MMRN1: variants seen among roughly 807,000 people sequenced by gnomAD.
MMRN1 encodes the protein multimerin-1.
In MMRN1, 94 loss-of-function variants were observed where a neutral mutation model predicts 100.7. The ratio of observed to expected loss-of-function variants is 0.93; its 90% confidence interval spans 0.79 to 1.11. The LOEUF is 1.11. Ranked by LOEUF, MMRN1 falls within the 50% of genes least tolerant of loss-of-function variation. The pLI is 0.00. For synonymous variants in MMRN1, 575 were observed against 505.0 expected, an observed-to-expected ratio of 1.14 and a Z score of -1.86; for missense variants, 1,606 against 1,439.1, an observed-to-expected ratio of 1.12 and a Z score of -1.88.
At chr4:89,925,005 G>A (rs1452023605) in intron 4 of MMRN1, among the ~76,000 whole-genome samples, 1 of 151,686 alleles carries the variant, frequency 6.6e-6, no homozygotes, top group South Asian at 2.1e-4. Context: ...TTATCCTTTC[G>A]GTTACAAACA....
At position 89,947,211 on chromosome 4, in the gene MMRN1, G is replaced by A. The variant is rs796482507; in HGVS notation, c.3119-4394G>A. 5.3e-5 allele frequency among the ~76,000 whole-genome samples: 8 copies of A among 152,162 alleles called. No homozygotes were observed. The South Asian group carries it at 6.2e-4, about 12-fold the overall frequency. ...GCAGGAGAATAGCTTAAGTCCAGGA[G>A]GCAGAGGTTGCAGTGAGCCAAGATC... On this transcript the variant is annotated intron_variant, in intron 6 of 7. Transcript: ENST00000264790.
At position 89,935,341 on chromosome 4, in the gene MMRN1, A is replaced by G; in HGVS notation, c.1661A>G (p.Lys554Arg). The change falls in exon 6 of 8, where the codon AAG becomes AGG. Residue 554 changes from lysine to arginine, a missense_variant. Lys to Arg is a conservative substitution (Grantham distance 26). Coordinates refer to ENST00000264790, the MANE Select transcript of MMRN1 (RefSeq NM_007351.3). ...EYMSTLHENIKKQSLMMLQMF... is the reference protein window; with the variant it reads ...EYMSTLHENIRKQSLMMLQMF... ...ATGTCTACTTTACATGAAAATATAA[A>G]GAAGCAGAGTTTGATGATGCTGCAA... 3 of 1,613,386 alleles carry G rather than the reference A, an allele frequency of 1.9e-6. No individual in the cohort carries two copies. Among genetic ancestry groups the G allele is most frequent in the Non-Finnish European group, 2.5e-6 (3 of 1,179,748 alleles).
In MMRN1 at chr4:89,951,716, C is replaced by G; in HGVS notation, c.3230C>G (p.Thr1077Ser). Residue 1077 changes from threonine (T) to serine (S), a missense_variant, in exon 7 of 8, where the codon ACT becomes AGT. Coordinates refer to ENST00000264790, the MANE Select transcript of MMRN1 (RefSeq NM_007351.3). ...CATCCTTTTACTGGTGACAACTGCA[C>G]TATCAAGCTTGTGGAAGAAAATGCT... The part of the protein sequence containing the change: ...CRHPFTGDNC[T>S]IKLVEENALA... The G allele has an allele frequency of 6.2e-7, 1 of 1,612,294 alleles. No individual in the cohort carries two copies. Among genetic ancestry groups the G allele is most frequent in the Non-Finnish European group, 8.5e-7 (1 of 1,179,314 alleles).
intron 6 of MMRN1, among the ~76,000 whole-genome samples, chr4:89,939,565 G>C (rs1722758365): frequency 6.6e-6 from 1 of 152,066 alleles, no homozygotes; most frequent in African/African-American, 2.4e-5. Flanking sequence ...TGAGTAAACT[G>C]ACCCTCGGAG....
At chr4:89,902,916 A>G (rs1482074435) in intron 1 of MMRN1, among the ~76,000 whole-genome samples, 1 of 152,016 alleles carries the variant, frequency 6.6e-6, no homozygotes, top group East Asian at 1.9e-4. Flanking sequence ...TTGTAAAAGG[A>G]TTAAGCATAG....
rs775826580 is a variant in MMRN1 at position 89,934,938 on chromosome 4, C to G, written c.1258C>G (p.Leu420Val). 5 of 1,613,654 alleles carry G rather than the reference C, an allele frequency of 3.1e-6. No homozygotes were observed. In the Middle Eastern group the frequency reaches 6.6e-4, roughly 213 times the overall value. ...FKTVSSLSED[L>V]ESTRQIIQKV... ...GACTGTATCAAGTCTATCAGAGGAC[C>G]TCGAAAGCACCAGGCAAATAATTCA... is the stretch of plus-strand genomic sequence containing the variant. Residue 420 changes from leucine to valine, a missense_variant, in exon 6 of 8, where the codon CTC becomes GTC. Coordinates refer to ENST00000264790, the MANE Select transcript of MMRN1 (RefSeq NM_007351.3).
rs534258915 is a variant in MMRN1 at position 89,938,902 on chromosome 4, C to A, written c.3118+2104C>A. On this transcript the variant is annotated intron_variant, in intron 6 of 7. Coordinates refer to ENST00000264790, the MANE Select transcript of MMRN1 (RefSeq NM_007351.3). ...TAAAGATATACTGACCTAATTCCCA[C>A]GTGCAAGGTAGATATTCCTTTTATG... Among the ~76,000 whole-genome samples the A allele has an allele frequency of 2.0e-4, 31 of 152,094 alleles. No individual in the cohort carries two copies. In the South Asian group the frequency reaches 2.9e-3, roughly 14 times the overall value.
Position 89,936,099 on chromosome 4 carries a change from G to GC in MMRN1, c.2420dup (p.Gly808ArgfsTer6). 2 of 1,612,292 alleles carry GC rather than the reference G, an allele frequency of 1.2e-6. No individual in the cohort carries two copies. Among genetic ancestry groups the GC allele is most frequent in the Non-Finnish European group, 1.7e-6 (2 of 1,179,440 alleles). ...TGTTTTGCAAGTCGCCAAGACCCTTGCAGGTATTCCCAGAGATGAGAAACT... is the reference window on the plus strand; with the variant it reads ...TGTTTTGCAAGTCGCCAAGACCCTTGCCAGGTATTCCCAGAGATGAGAAACT... On this transcript the variant is annotated frameshift_variant, in exon 6 of 8. Coordinates refer to ENST00000264790, the MANE Select transcript of MMRN1 (RefSeq NM_007351.3). LOFTEE classifies it high-confidence loss of function.
chr4:89,907,218 T>C (rs1484139649), intron 1 of MMRN1, among the ~76,000 whole-genome samples: 1 of 151,528 alleles, frequency 6.6e-6, no homozygotes, highest in African/African-American at 2.4e-5. Context: ...TTCTTTGTTT[T>C]ACATTATTTT....
intron 5 of MMRN1, among the ~76,000 whole-genome samples, chr4:89,932,249 GA>G (rs1015656334): frequency 6.6e-6 from 1 of 152,172 alleles, no homozygotes; most frequent in African/African-American, 2.4e-5. Flanking sequence ...AGGTCACACT[GA>G]TGCAAGAGGT....
intron 1 of MMRN1, 38 bp from the exon 2 acceptor site, chr4:89,909,238 A>G: frequency 6.4e-7 from 1 of 1,551,138 alleles, no homozygotes; most frequent in Non-Finnish European, 8.7e-7. Context: ...TTCTTTTTTG[A>G]CAACAGTTTT....
At position 89,936,798 on chromosome 4, in the gene MMRN1, G is replaced by T. The variant is rs746252489; in HGVS notation, c.3118G>T (p.Glu1040Ter). 2 of 1,568,714 alleles carry T rather than the reference G, an allele frequency of 1.3e-6. No homozygotes were observed. The highest frequency in any genetic ancestry group is 2.0e-5 in the Admixed American group (1 of 49,954). Residue 1040 changes from glutamate (E) to a stop codon, truncating the protein, a stop_gained and splice_region_variant, in exon 6 of 8, where the codon GAG (glutamate) becomes TAG (stop). Coordinates refer to ENST00000264790, the MANE Select transcript of MMRN1 (RefSeq NM_007351.3). LOFTEE classifies it high-confidence loss of function. ...QRNTDNIIYP[E>*]EYSSCSRHPC... ...AAACACGGACAACATAATATATCCTGGTAAGCTGTTACTGAAAAGTAACTT... is the reference window on the plus strand; with the variant it reads ...AAACACGGACAACATAATATATCCTTGTAAGCTGTTACTGAAAAGTAACTT...
intron 1 of MMRN1, among the ~76,000 whole-genome samples, chr4:89,886,731 A>G (rs1004401816): frequency 6.6e-6 from 1 of 152,056 alleles, no homozygotes; most frequent in African/African-American, 2.4e-5. Context: ...TTTTATGGCT[A>G]CATAATGGTT....
At chr4:89,932,208 G>A (rs1722461655) in intron 5 of MMRN1, among the ~76,000 whole-genome samples, 1 of 152,176 alleles carries the variant, frequency 6.6e-6, no homozygotes, top group Admixed American at 6.6e-5. Flanking sequence ...AAGCTCCGAA[G>A]TGATCTCCTT....
chr4:89,908,709 T>A (rs1006187819), intron 1 of MMRN1, among the ~76,000 whole-genome samples: 5 of 151,520 alleles, frequency 3.3e-5, no homozygotes, highest in Non-Finnish European at 7.4e-5. Flanking sequence ...TGAATTAATA[T>A]AAATTAGTAT....
In MMRN1 at chr4:89,916,679, GT is replaced by G. The variant is rs200754408; in HGVS notation, c.850+4637del. ...TATTTTTTATCTTTTTCAATTGCTT[GT>G]TTTTTTTCTTTCTGACAGCTTTTCA... On this transcript the variant is annotated intron_variant, in intron 3 of 7. Coordinates refer to ENST00000264790, the MANE Select transcript of MMRN1 (RefSeq NM_007351.3). 6.0e-5 allele frequency among the ~76,000 whole-genome samples: 9 copies of G among 150,782 alleles called. No homozygotes were observed. In the East Asian group the frequency reaches 1.6e-3, roughly 26 times the overall value.
chr4:89,892,841 C>T (rs1458424277), upstream of MMRN1, among the ~76,000 whole-genome samples: 1 of 151,918 alleles, frequency 6.6e-6, no homozygotes, highest in Non-Finnish European at 1.5e-5. Context: ...ACTTGCCAGA[C>T]CAGGTTTGAA....
intron 5 of MMRN1, among the ~76,000 whole-genome samples, chr4:89,929,952 C>T (rs1722385227): frequency 1.3e-5 from 2 of 152,060 alleles, no homozygotes; most frequent in South Asian, 4.1e-4. Context: ...GAGGTGGATA[C>T]CTTAAGAGGT....
rs1359409220 is a variant in MMRN1, at chr4:89,912,132, G to A, written c.850+82G>A. 1.5e-5 allele frequency: 15 copies of A among 985,304 alleles called. No individual in the cohort carries two copies. The Admixed American group carries it at 4.1e-4, about 27-fold the overall frequency. 61.0% of individuals were successfully genotyped at this position (985,304 alleles called of 1,614,324 possible). A position where few individuals can be genotyped will look rare whatever the true frequency, so the allele number is the denominator to read the frequency against. ...AGAAAAGAATAGCATTTCCCCTTTT[G>A]AACCAAGGTAAATTAACATGTAGCC... On this transcript the variant is annotated intron_variant, in intron 3 of 7. Transcript: ENST00000264790.
Sources: allele counts gnomAD v4.1 joint callset (sites outside exome capture counted in the v4.1 genomes callset), GRCh38; gene constraint gnomAD v4.1.1; transcripts MANE v1.5; gene names NCBI Gene and HGNC (gene_info 2026-07-23, HGNC 2026-07-21).